Variants in PPP1R21 observed in about 807,000 individuals in gnomAD.
The protein encoded by PPP1R21 is protein phosphatase 1 regulatory subunit 21.
In PPP1R21, 85 loss-of-function variants were observed where a neutral mutation model predicts 112.8. That is an observed-to-expected ratio of 0.75 (90% CI 0.63 to 0.90). The LOEUF is 0.90. Among genes scored for constraint, PPP1R21 ranks in the 40% least tolerant of loss-of-function variants. The pLI, the probability that PPP1R21 is intolerant of heterozygous loss-of-function variation, is 0.00. For synonymous variants in PPP1R21, 381 were observed against 322.3 expected (o/e 1.18, Z -1.95); for missense variants, 1,199 against 901.5 (o/e 1.33, Z -4.23).
At chr2:48,502,736 A>G (rs553211664) in intron 17 of PPP1R21, among the ~76,000 whole-genome samples, 1 of 133,576 alleles carries the variant, frequency 7.5e-6, no homozygotes, top group South Asian at 2.3e-4. Context: ...GCTGGAGTGC[A>G]GTGGTGCGAT....
chr2:48,460,231 T>A (rs1667917487), intron 6 of PPP1R21, 78 bp downstream of exon 6: 5 of 1,367,078 alleles, frequency 3.7e-6, no homozygotes, highest in Non-Finnish European at 5.2e-6. Context: ...GCAGCTCCTC[T>A]GTTTTAATTG....
At chr2:48,447,658 G>T (rs1250054640) in intron 1 of PPP1R21, among the ~76,000 whole-genome samples, 1 of 152,044 alleles carries the variant, frequency 6.6e-6, no homozygotes, top group East Asian at 1.9e-4. Context: ...GATTCTAAAA[G>T]ACCAGGCTGG....
chr2:48,450,017 A>G (rs1011790134), intron 1 of PPP1R21, among the ~76,000 whole-genome samples: 2 of 152,244 alleles, frequency 1.3e-5, no homozygotes, highest in African/African-American at 2.4e-5. Flanking sequence ...AGATGTATAC[A>G]TAAGTAAAAA....
At chr2:48,513,202 C>G (rs1243697055) in intron 21 of PPP1R21, among the ~76,000 whole-genome samples, 1 of 151,632 alleles carries the variant, frequency 6.6e-6, no homozygotes, top group East Asian at 1.9e-4. Context: ...TTTCAAGTTT[C>G]CTCTGACTTT....
At chr2:48,454,893 G>T (rs578083890) in intron 3 of PPP1R21, 152 bp downstream of exon 3, 55 of 645,706 alleles carry the variant, frequency 8.5e-5, no homozygotes, top group African/African-American at 8.4e-4. Flanking sequence ...ATGCTGGAGT[G>T]CTGTGGTGTG....
chr2:48,492,548 A>C (rs539297620), intron 15 of PPP1R21, among the ~76,000 whole-genome samples: 1 of 152,226 alleles, frequency 6.6e-6, no homozygotes, highest in African/African-American at 2.4e-5. Flanking sequence ...GGTTAATTCT[A>C]CTTTTTTACT....
At chr2:48,480,086 TAAAC>T (rs1668942609) in intron 13 of PPP1R21, 70 bp downstream of exon 13, 5 of 1,047,024 alleles carry the variant, frequency 4.8e-6, no homozygotes, top group Non-Finnish European at 6.0e-6. Context: ...GAATAAGATT[TAAAC>T]AAACACTGCC....
At chr2:48,512,321 C>T (rs1670679144) in intron 21 of PPP1R21, among the ~76,000 whole-genome samples, 1 of 152,128 alleles carries the variant, frequency 6.6e-6, no homozygotes, top group Non-Finnish European at 1.5e-5. Context: ...TACTGTTTTG[C>T]CATGAAAGGT....
In PPP1R21 at chr2:48,514,855, T is replaced by C. The variant is rs918763920; in HGVS notation, c.*111T>C. ...CTGCCTTCAGGAAGCTAAAGTATTG[T>C]TGGACCTAGTAAACTAGTCAGTGTT... On this transcript the variant is annotated 3_prime_UTR_variant, in exon 22 of 22. Transcript: ENST00000294952. 6.8e-6 allele frequency: 7 copies of C among 1,034,836 alleles called. No homozygotes were observed. The highest frequency in any genetic ancestry group is 6.4e-5 in the African/African-American group (4 of 62,072). 64.1% of individuals were successfully genotyped at this position (1,034,836 alleles called of 1,614,324 possible).
chr2:48,471,729 G>A (rs752306695), intron 11 of PPP1R21, among the ~76,000 whole-genome samples: 2 of 152,044 alleles, frequency 1.3e-5, no homozygotes, highest in Non-Finnish European at 2.9e-5. Flanking sequence ...TTAGTGACTT[G>A]TTATAAACTA....
intron 16 of PPP1R21, 98 bp downstream of exon 16, chr2:48,495,869 CATAA>C (rs1669813326): frequency 2.9e-6 from 2 of 694,268 alleles, no homozygotes; most frequent in East Asian, 2.6e-5. Context: ...CAAAAGTCTG[CATAA>C]ATAAACATGT....
chr2:48,465,404 CA>C, intron 8 of PPP1R21, 88 bp from the exon 9 acceptor site: 1 of 1,189,144 alleles, frequency 8.4e-7, no homozygotes, highest in Non-Finnish European at 1.2e-6. Context: ...CACTAGGATT[CA>C]AATGTTTTCT....
chr2:48,494,772 C>T (rs1382754600), intron 15 of PPP1R21, among the ~76,000 whole-genome samples: 2 of 152,120 alleles, frequency 1.3e-5, no homozygotes, highest in Non-Finnish European at 2.9e-5. Flanking sequence ...GGCTGGAGTG[C>T]AGTGATGCAA....
At chr2:48,505,483 A>G in intron 17 of PPP1R21, 81 bp from the exon 18 acceptor site, 1 of 1,033,668 alleles carries the variant, frequency 9.7e-7, no homozygotes, top group Non-Finnish European at 1.5e-6. Context: ...AACGGAGAGG[A>G]GAAAATATTA....
rs185288859 is a variant in PPP1R21 at position 48,507,851 on chromosome 2, C to T, written c.2085+466C>T. Among the ~76,000 whole-genome samples, 646 of 143,818 alleles carry T rather than the reference C, an allele frequency of 4.5e-3. 1 individual carries two copies. The highest frequency in any genetic ancestry group is 0.011 in the Middle Eastern group (3 of 262). The allele number at this position is 143,818 out of a possible 152,430, so 94.4% of individuals were successfully genotyped here. ...CACGGTCTTGGCTCAGTACAACCTC[C>T]GCCTCCTGGGTTCGAGCGATTCTCC... On this transcript the variant is annotated intron_variant, in intron 19 of 21. Transcript: ENST00000294952.
intron 11 of PPP1R21, 60 bp downstream of exon 11, chr2:48,471,427 G>T (rs755566879): frequency 1.4e-6 from 2 of 1,479,400 alleles, no homozygotes; most frequent in Non-Finnish European, 1.8e-6. Flanking sequence ...GATCTGGCTG[G>T]CGTTAATAAA....
chr2:48,457,989 A>G (rs1481239305), intron 3 of PPP1R21, 137 bp from the exon 4 acceptor site: 3 of 661,146 alleles, frequency 4.5e-6, no homozygotes, highest in Non-Finnish European at 8.6e-6. Context: ...GATGAACTGT[A>G]TAGCTTTTGC....
intron 12 of PPP1R21, 72 bp from the exon 13 acceptor site, chr2:48,479,852 C>G: frequency 1.1e-6 from 1 of 941,218 alleles, no homozygotes; most frequent in Non-Finnish European, 1.8e-6. Context: ...TCTATCTTCC[C>G]AAAAGTAGAG....
Position 48,492,848 on chromosome 2 carries a change from A to C in PPP1R21, c.1599+1678A>C, listed in dbSNP as rs1415117211. On this transcript the variant is annotated intron_variant, in intron 15 of 21. Transcript: ENST00000294952. ...CCTATTTATAGTTTGCCTGTAGTAG[A>C]AATATGAATTTAACCCATGCATTTA... Among the ~76,000 whole-genome samples the C allele has an allele frequency of 3.3e-5, 5 of 152,172 alleles. No homozygotes were observed. In the South Asian group the frequency reaches 1.0e-3, roughly 31 times the overall value.
Sources: allele counts gnomAD v4.1 joint callset (sites outside exome capture counted in the v4.1 genomes callset), GRCh38; gene constraint gnomAD v4.1.1; transcripts MANE v1.5; gene names NCBI Gene and HGNC (gene_info 2026-07-23, HGNC 2026-07-21).